The following XPO6 variants were observed in gnomAD, a reference collection of about 807,000 sequenced individuals.
XPO6 encodes the protein exportin-6.
A neutral mutation model predicts 130.0 loss-of-function variants in XPO6; 3 were observed. The observed-to-expected ratio is 0.02, with a 90% CI of 0.01 to 0.06. The LOEUF (loss-of-function observed/expected upper bound fraction) is 0.06, where lower values mean the gene tolerates loss of function less well. Ranked by LOEUF, XPO6 falls within the 10% of genes least tolerant of loss-of-function variation. The probability of loss-of-function intolerance (pLI) is 1.00; values close to 1 mark genes in which losing one functional copy is unlikely to be tolerated. For missense variants in XPO6, 970 were observed against 1,393.0 expected (o/e 0.70, Z 4.83); for synonymous variants, 524 against 548.9 (o/e 0.95, Z 0.63).
At chr16:28,160,862 T>A (rs575892804) in intron 6 of XPO6, among the ~76,000 whole-genome samples, 6 of 152,352 alleles carry the variant, frequency 3.9e-5, no homozygotes, top group East Asian at 3.9e-4. Context: ...AGCCATCATG[T>A]TAGCATAACA....
intron 9 of XPO6, among the ~76,000 whole-genome samples, chr16:28,137,082 G>A (rs563596504): frequency 1.3e-5 from 2 of 152,368 alleles, no homozygotes; most frequent in Non-Finnish European, 2.9e-5. Flanking sequence ...AACTGGTTCC[G>A]GTTTCCAGCT....
chr16:28,114,988 C>A (rs746718731), intron 15 of XPO6, among the ~76,000 whole-genome samples: 4 of 152,194 alleles, frequency 2.6e-5, no homozygotes, highest in Non-Finnish European at 5.9e-5. Context: ...CAAGCTTGAT[C>A]CTGAGATTGC....
At chr16:28,145,259 T>C (rs2042963484) in intron 9 of XPO6, among the ~76,000 whole-genome samples, 1 of 152,168 alleles carries the variant, frequency 6.6e-6, no homozygotes, top group African/African-American at 2.4e-5. Flanking sequence ...GAGACTATGA[T>C]GGGTATGTTT....
At position 28,152,601 on chromosome 16, in the gene XPO6, A is replaced by G. The variant is rs139679242; in HGVS notation, c.1224+58T>C. On this transcript the variant is annotated intron_variant, in intron 8 of 23. Coordinates refer to ENST00000304658, the MANE Select transcript of XPO6 (RefSeq NM_015171.4). ...TTGAAAGAAAAAGTTCTTTCTTCTC[A>G]AAGTAACAAGGTAATAAACCTTTTC... The G allele has an allele frequency of 7.1e-4, 1,103 of 1,556,174 alleles. 4 individuals carry two copies. In the East Asian group the frequency reaches 0.01, roughly 15 times the overall value.
rs540945034 is a variant in XPO6, at chr16:28,186,339, T to TTCTC, written c.4-5312_4-5309dup. On this transcript the variant is annotated intron_variant, in intron 1 of 23. Transcript: ENST00000304658. ...AAACAGTACTTTACCGCCAGATAAATTCTCTTAAATATAGATTTTTCTGCC... is the reference window on the plus strand; with the variant it reads ...AAACAGTACTTTACCGCCAGATAAATTCTCTCTCTTAAATATAGATTTTTCTGCC... 3.0e-4 allele frequency among the ~76,000 whole-genome samples: 45 copies of TTCTC among 150,748 alleles called. No individual in the cohort carries two copies. In the South Asian group the frequency reaches 9.2e-3, roughly 31 times the overall value.
rs571492214 is a variant in XPO6 at position 28,170,458 on chromosome 16, G to C, written c.406-549C>G. Reference sequence around the variant, plus strand: ...AATACCATGAACTTAAAAACAGCTAGAAAACAATGGTCTTTTATACCTAAC... The same window carrying C: ...AATACCATGAACTTAAAAACAGCTACAAAACAATGGTCTTTTATACCTAAC... On this transcript the variant is annotated intron_variant, in intron 4 of 23. Transcript: ENST00000304658. Among the ~76,000 whole-genome samples, 3 of 151,800 alleles carry C rather than the reference G, an allele frequency of 2.0e-5. No homozygotes were observed. The East Asian group carries it at 5.8e-4, about 29-fold the overall frequency.
intron 20 of XPO6, among the ~76,000 whole-genome samples, chr16:28,105,423 T>TA (rs1025196263): frequency 3.3e-5 from 5 of 152,326 alleles, no homozygotes; most frequent in African/African-American, 9.6e-5. Flanking sequence ...TGATTAAAAT[T>TA]AAATAGACAC....
intron 12 of XPO6, among the ~76,000 whole-genome samples, chr16:28,131,494 T>C (rs2141283612): frequency 6.6e-6 from 1 of 152,338 alleles, no homozygotes; most frequent in Non-Finnish European, 1.5e-5. Flanking sequence ...TAGCAGCTGA[T>C]GGGGCAGGGA....
rs534087965 is a variant in XPO6 at position 28,111,904 on chromosome 16, C to A, written c.2254G>T (p.Ala752Ser). 1.2e-6 allele frequency: 2 copies of A among 1,614,014 alleles called. No homozygotes were observed. The highest frequency in any genetic ancestry group is 3.3e-5 in the Admixed American group (2 of 59,992). ...QQWPVRSINH[A>S]SLISALSRDY... ...CGGGAGAGTGCAGAGATGAGGCTGG[C>A]GTGGTTGATGGAGCGCACGGGCCAC... The change falls in exon 17 of 24, where the codon GCC (alanine) becomes TCC (serine). Residue 752 changes from alanine (A) to serine (S), a missense_variant. Ala to Ser is a moderately conservative substitution (Grantham distance 99). Transcript: ENST00000304658.
At chr16:28,191,646 G>A (rs1282722708) in intron 1 of XPO6, among the ~76,000 whole-genome samples, 1 of 152,204 alleles carries the variant, frequency 6.6e-6, no homozygotes, top group African/African-American at 2.4e-5. Context: ...AGTGAAGACA[G>A]GGGCAGGCCA....
chr16:28,148,368 G>A (rs971467479), intron 8 of XPO6, among the ~76,000 whole-genome samples: 1 of 152,182 alleles, frequency 6.6e-6, no homozygotes, highest in Non-Finnish European at 1.5e-5. Flanking sequence ...CCCATGACCT[G>A]GCCTCTGATA....
intron 9 of XPO6, among the ~76,000 whole-genome samples, chr16:28,145,666 C>A (rs1567620017): frequency 6.6e-6 from 1 of 152,088 alleles, no homozygotes; most frequent in Non-Finnish European, 1.5e-5. Flanking sequence ...ACATAATGAA[C>A]CCCAAGTTCC....
Position 28,146,180 on chromosome 16 carries a change from A to G in XPO6, c.1248T>C (p.Ser416=). 6.2e-7 allele frequency: 1 copy of G among 1,613,996 alleles called. No individual in the cohort carries two copies. The highest frequency in any genetic ancestry group is 8.5e-7 in the Non-Finnish European group (1 of 1,179,874). ...AAAACAGCGTCCAGATATCCAAACA[A>G]GAGAAGTAACCTTCATGAGTAGGCT... ...FHQPTHEGYF[S]CLDIWTLFLD... The change falls in exon 9 of 24, where the codon TCT becomes TCC. Residue 416 remains serine (S), a synonymous_variant. Coordinates refer to ENST00000304658, the MANE Select transcript of XPO6 (RefSeq NM_015171.4).
At chr16:28,172,428 T>C (rs1213217095) in intron 4 of XPO6, among the ~76,000 whole-genome samples, 1 of 152,176 alleles carries the variant, frequency 6.6e-6, no homozygotes, top group Non-Finnish European at 1.5e-5. Context: ...TTCTCTCCTA[T>C]GCTGCTTGCC....
rs549891681 is a variant in XPO6 at position 28,207,173 on chromosome 16, G to A, written c.3+4193C>T. On this transcript the variant is annotated intron_variant, in intron 1 of 23. Coordinates refer to ENST00000304658, the MANE Select transcript of XPO6 (RefSeq NM_015171.4). ...TGAGGCAGGAGAATTGCTTGAACCT[G>A]GGAGGCAGAGGTTGCAGTAAGCCAA... Among the ~76,000 whole-genome samples the A allele has an allele frequency of 2.0e-5, 3 of 151,850 alleles. No individual in the cohort carries two copies. In the South Asian group the frequency reaches 6.2e-4, roughly 32 times the overall value.
Position 28,169,538 on chromosome 16 carries a change from G to A in XPO6, c.565+212C>T, listed in dbSNP as rs1029105892. Reference sequence around the variant, plus strand: ...TCACAGTTACAGTGAAGACCACTTCGTGAAAGACTACGAGGAAAATAAGGT... The same window carrying A: ...TCACAGTTACAGTGAAGACCACTTCATGAAAGACTACGAGGAAAATAAGGT... On this transcript the variant is annotated intron_variant, in intron 5 of 23. Coordinates refer to ENST00000304658, the MANE Select transcript of XPO6 (RefSeq NM_015171.4). Among the ~76,000 whole-genome samples the A allele has an allele frequency of 5.1e-4, 78 of 152,322 alleles. 1 individual carries two copies. The highest frequency in any genetic ancestry group is 4.6e-3 in the Admixed American group (70 of 15,292).
In XPO6 at chr16:28,133,849, A is replaced by G; in HGVS notation, c.1528T>C (p.Ser510Pro). The G allele has an allele frequency of 6.2e-7, 1 of 1,614,042 alleles. No homozygotes were observed. The highest frequency in any genetic ancestry group is 1.1e-5 in the South Asian group (1 of 91,070). ...VMELLPTHAF[S>P]TLFPVLQDNL... ...CCCGGACAGCACATTACCAGTGTGG[A>G]GAAGGCGTGCGTGGGCAGGAGCTCC... Residue 510 changes from serine (S) to proline (P), a missense_variant, in exon 11 of 24, where the codon TCC becomes CCC. Physicochemically the swap from Ser to Pro is moderately conservative, Grantham distance 74. Transcript: ENST00000304658.
chr16:28,109,228 G>A (rs1409046276), intron 17 of XPO6, among the ~76,000 whole-genome samples: 1 of 151,630 alleles, frequency 6.6e-6, no homozygotes, highest in Non-Finnish European at 1.5e-5. Flanking sequence ...ATAATAATAG[G>A]AGAATGGGGT....
At chr16:28,164,373 G>A (rs1201716730) in intron 6 of XPO6, among the ~76,000 whole-genome samples, 3 of 152,204 alleles carry the variant, frequency 2.0e-5, no homozygotes, top group Admixed American at 1.3e-4. Context: ...AATGAATGGT[G>A]ATTGCATCAT....
Sources: allele counts gnomAD v4.1 joint callset (sites outside exome capture counted in the v4.1 genomes callset), GRCh38; gene constraint gnomAD v4.1.1; transcripts MANE v1.5; gene names NCBI Gene and HGNC (gene_info 2026-07-23, HGNC 2026-07-21).